The following SOX5 variants were observed in gnomAD, a reference collection of about 807,000 sequenced individuals.
The protein encoded by SOX5 is SRY-box transcription factor 5.
A neutral mutation model predicts 92.0 loss-of-function variants in SOX5; 9 were observed. The observed-to-expected ratio is 0.10, with a 90% confidence interval of 0.06 to 0.17. The LOEUF (loss-of-function observed/expected upper bound fraction) is 0.17. SOX5 is among the 10% of genes least tolerant of loss of function. The pLI is 1.00. For missense variants in SOX5, 642 were observed against 944.5 expected (o/e 0.68, Z 4.20); for synonymous variants, 344 against 336.3 (o/e 1.02, Z -0.25).
At chr12:24,129,621 C>T (rs1949454500) in intron 4 of SOX5, among the ~76,000 whole-genome samples, 7 of 152,098 alleles carry the variant, frequency 4.6e-5, no homozygotes, top group Admixed American at 4.6e-4. Flanking sequence ...CTGCCAGCAT[C>T]GCAAAAGCCT....
chr12:24,343,573 T>C (rs1258530201), intron 2 of SOX5, among the ~76,000 whole-genome samples: 2 of 152,148 alleles, frequency 1.3e-5, no homozygotes, highest in East Asian at 3.8e-4. Flanking sequence ...AGCCAGGTAC[T>C]GTATCACGCA....
chr12:24,421,238 G>C (rs150957837), intron 1 of SOX5, among the ~76,000 whole-genome samples: 7 of 152,240 alleles, frequency 4.6e-5, no homozygotes, highest in Non-Finnish European at 1.0e-4. Context: ...CTTGACCTGG[G>C]TGGTGGTTAC....
chr12:23,956,698 G>T (rs561329711), intron 4 of SOX5, among the ~76,000 whole-genome samples: 1 of 151,668 alleles, frequency 6.6e-6, no homozygotes, highest in East Asian at 1.9e-4. Flanking sequence ...TTTTTTTAAG[G>T]GGAGGGGGAC....
At chr12:23,722,266 A>C (rs2092860318) in intron 6 of SOX5, among the ~76,000 whole-genome samples, 1 of 152,180 alleles carries the variant, frequency 6.6e-6, no homozygotes, top group South Asian at 2.1e-4. Context: ...CCCTTACCTG[A>C]TTTTATTATA....
At chr12:24,349,180 A>G (rs1953738507) in intron 2 of SOX5, among the ~76,000 whole-genome samples, 1 of 152,158 alleles carries the variant, frequency 6.6e-6, no homozygotes, top group African/African-American at 2.4e-5. Flanking sequence ...AGCATGGTTC[A>G]TGTCTCAGAG....
intron 1 of SOX5, among the ~76,000 whole-genome samples, chr12:23,946,200 C>T (rs1214307376): frequency 6.6e-6 from 1 of 152,040 alleles, no homozygotes; most frequent in East Asian, 1.9e-4. Context: ...TTGTCTGCAC[C>T]AATTTGGGAG....
chr12:24,555,590 A>G (rs569016123), intron 1 of SOX5, among the ~76,000 whole-genome samples: 1 of 152,318 alleles, frequency 6.6e-6, no homozygotes, highest in South Asian at 2.1e-4. Context: ...CAAACAGTAC[A>G]ATGGACTTAG....
intron 4 of SOX5, among the ~76,000 whole-genome samples, chr12:24,210,929 C>T (rs1217730884): frequency 6.6e-6 from 1 of 152,158 alleles, no homozygotes; most frequent in Admixed American, 6.5e-5. Flanking sequence ...ATCCTTAAAA[C>T]ATATGAACCA....
At chr12:23,966,939 T>C (rs1947652874) in intron 4 of SOX5, among the ~76,000 whole-genome samples, 1 of 152,204 alleles carries the variant, frequency 6.6e-6, no homozygotes, top group Admixed American at 6.5e-5. Flanking sequence ...CTACTCTTCA[T>C]ACCAGTGATT....
chr12:24,304,060 T>C (rs1007937638), intron 2 of SOX5, among the ~76,000 whole-genome samples: 4 of 152,142 alleles, frequency 2.6e-5, no homozygotes, highest in African/African-American at 9.7e-5. Flanking sequence ...CAAAAATATA[T>C]GTCAGAACGT....
intron 3 of SOX5, among the ~76,000 whole-genome samples, chr12:23,808,427 A>C (rs1344758412): frequency 6.6e-6 from 1 of 152,200 alleles, no homozygotes. Context: ...GACTTTTATT[A>C]GCATCACTGA....
intron 2 of SOX5, among the ~76,000 whole-genome samples, chr12:24,340,400 C>G (rs1212699663): frequency 6.6e-6 from 1 of 152,230 alleles, no homozygotes; most frequent in South Asian, 2.1e-4. Context: ...ATCCAGGGAA[C>G]TAAAATTCGA....
intron 2 of SOX5, among the ~76,000 whole-genome samples, chr12:24,331,734 G>T (rs1214563193): frequency 6.6e-6 from 1 of 150,802 alleles, no homozygotes; most frequent in Non-Finnish European, 1.5e-5. Flanking sequence ...TGTAATCCCA[G>T]CTACTTGGGA....
chr12:23,669,725 G>A (rs1174058092), intron 6 of SOX5, among the ~76,000 whole-genome samples: 1 of 152,062 alleles, frequency 6.6e-6, no homozygotes, highest in Admixed American at 6.6e-5. Context: ...CAAAGATAAT[G>A]TTTACTTGAT....
Position 24,339,494 on chromosome 12 carries a change from T to C in SOX5, c.-174+29069A>G, listed in dbSNP as rs150710190. On this transcript the variant is annotated intron_variant, in intron 2 of 4. Transcript: ENST00000446891. ...ATATGAGGTCACAGAGGAAGCCAGG[T>C]AGGAAACTGTAAGCCTTGTTAGAGA... 5.9e-5 allele frequency among the ~76,000 whole-genome samples: 9 copies of C among 152,214 alleles called. No homozygotes were observed. The East Asian group carries it at 9.7e-4, about 16-fold the overall frequency.
chr12:24,017,634 A>T (rs997655459), intron 4 of SOX5, among the ~76,000 whole-genome samples: 3 of 151,942 alleles, frequency 2.0e-5, no homozygotes, highest in South Asian at 2.1e-4. Flanking sequence ...CATAAAATAA[A>T]ATGAAATTAA....
chr12:24,414,978 T>C (rs113265252), intron 1 of SOX5, among the ~76,000 whole-genome samples: 2 of 152,232 alleles, frequency 1.3e-5, no homozygotes, highest in African/African-American at 4.8e-5. Context: ...TATTTCTTTG[T>C]TTGCCTCCTA....
At chr12:24,357,158 G>A (rs1400847844) in intron 2 of SOX5, among the ~76,000 whole-genome samples, 1 of 152,124 alleles carries the variant, frequency 6.6e-6, no homozygotes, top group Non-Finnish European at 1.5e-5. Flanking sequence ...AGATAAGTGG[G>A]GCATGGTGGG....
In SOX5 at chr12:23,530,672, G is replaced by A. The variant is rs1003550131; in HGVS notation, c.*3547C>T. On this transcript the variant is annotated 3_prime_UTR_variant, in exon 15 of 15. Transcript: ENST00000451604. ...ACTTATTATTAGTAACTATAAATGA[G>A]TAACTTTATTTTCTCCGGTAATGTT... is the stretch of plus-strand genomic sequence containing the variant. The A allele has an allele frequency of 6.6e-6, 1 of 152,082 alleles. No homozygotes were observed. Among genetic ancestry groups the A allele is most frequent in the African/African-American group, 2.4e-5 (1 of 41,416 alleles). The allele number at this position is 152,082 out of a possible 1,614,324, so 9.4% of individuals were successfully genotyped here. A position where few individuals can be genotyped will look rare whatever the true frequency, so the allele number is the denominator to read the frequency against.
Sources: gnomAD v4.1 joint callset for allele counts (sites outside exome capture counted in the v4.1 genomes callset) on GRCh38, gnomAD v4.1.1 for gene constraint, MANE v1.5 for transcripts, NCBI Gene and HGNC (gene_info 2026-07-23, HGNC 2026-07-21) for gene names.